Variants in ASPH observed in about 807,000 individuals in gnomAD.
ASPH encodes aspartate beta-hydroxylase.
In ASPH, 100 loss-of-function variants were observed where a neutral mutation model predicts 118.4. The ratio of observed to expected loss-of-function variants is 0.84; its 90% CI spans 0.72 to 1.00. ASPH has a LOEUF of 1.00. Among genes scored for constraint, ASPH ranks in the 50% least tolerant of loss-of-function variants. ASPH has a pLI of 0.00. For synonymous variants in ASPH, 315 were observed against 325.6 expected (o/e 0.97, Z 0.35); for missense variants, 920 against 919.5 (o/e 1.00, Z -0.01).
intron 13 of ASPH, among the ~76,000 whole-genome samples, chr8:61,626,611 T>G (rs1030712209): frequency 6.6e-6 from 1 of 151,866 alleles, no homozygotes; most frequent in African/African-American, 2.4e-5. Flanking sequence ...AAATCTAGTA[T>G]GGTATTTGAA....
At chr8:61,661,912 T>A in intron 3 of ASPH, 2 of 460,938 alleles carry the variant, frequency 4.3e-6, no homozygotes, top group South Asian at 4.7e-5. Context: ...ATCATCTATA[T>A]ACAATGCAAA....
intron 12 of ASPH, among the ~76,000 whole-genome samples, chr8:61,635,328 A>T (rs1857252643): frequency 6.6e-6 from 1 of 152,108 alleles, no homozygotes; most frequent in African/African-American, 2.4e-5. Context: ...ATGCCTCTTT[A>T]TCGTCTCTCC....
chr8:61,643,066 C>T lies in ASPH; in HGVS notation c.758-146G>A, dbSNP rs1806033010. 5.2e-6 allele frequency: 4 copies of T among 771,346 alleles called. No homozygotes were observed. In the South Asian group the frequency reaches 7.6e-5, roughly 15 times the overall value. 47.8% of individuals were successfully genotyped at this position (771,346 alleles called of 1,614,324 possible). ...ATGTCTGCTCAGTCAATAATAAATG[C>T]CTCTGCCCAAAAGCAATTAAAAGGC... On this transcript the variant is annotated intron_variant, in intron 9 of 24. Coordinates refer to ENST00000379454, the MANE Select transcript of ASPH (RefSeq NM_004318.4).
chr8:61,510,588 T>A (rs1005822804), intron 24 of ASPH, among the ~76,000 whole-genome samples: 1 of 152,232 alleles, frequency 6.6e-6, no homozygotes, highest in South Asian at 2.1e-4. Flanking sequence ...ATTTTCCATA[T>A]GGGAAATGCC....
chr8:61,651,071 C>T lies in ASPH; in HGVS notation c.469G>A (p.Glu157Lys). ...ATACCATGTTCTGCGTGTACCATTT[C>T]ATGGAGAAGGGACTGAATTTGTTCT... is the stretch of plus-strand genomic sequence containing the variant. ...AKEQIQSLLH[E>K]MVHAEHVEGE... The change falls in exon 5 of 25, where the codon GAA becomes AAA. Residue 157 changes from glutamate (E) to lysine (K), a missense_variant. Coordinates refer to ENST00000379454, the MANE Select transcript of ASPH (RefSeq NM_004318.4). 1.2e-6 allele frequency: 2 copies of T among 1,613,694 alleles called. No homozygotes were observed. Among genetic ancestry groups the T allele is most frequent in the Non-Finnish European group, 1.7e-6 (2 of 1,179,844 alleles).
At chr8:61,574,248 T>C (rs886994352) in intron 16 of ASPH, among the ~76,000 whole-genome samples, 1 of 152,198 alleles carries the variant, frequency 6.6e-6, no homozygotes, top group East Asian at 1.9e-4. Context: ...ACATTGTTGG[T>C]GGGAGCATAA....
intron 24 of ASPH, among the ~76,000 whole-genome samples, chr8:61,505,120 A>G (rs941013726): frequency 6.6e-6 from 1 of 152,172 alleles, no homozygotes; most frequent in Non-Finnish European, 1.5e-5. Flanking sequence ...ATCATAGTGA[A>G]TAAGTATCAT....
chr8:61,500,573 T>TTTTA lies in ASPH; in HGVS notation c.*2782_*2785dup, dbSNP rs752800147. ...ATGCAGGATGAAATGTCAAAGGTCA[T>TTTTA]TTTATTTACCTAGTCTCCTTAGAAA... On this transcript the variant is annotated 3_prime_UTR_variant, in exon 25 of 25. Coordinates refer to ENST00000379454, the MANE Select transcript of ASPH (RefSeq NM_004318.4). 6.6e-5 allele frequency: 10 copies of TTTTA among 152,222 alleles called. No homozygotes were observed. Among genetic ancestry groups the TTTTA allele is most frequent in the Non-Finnish European group, 1.3e-4 (9 of 68,032 alleles). 9.4% of individuals were successfully genotyped at this position (152,222 alleles called of 1,614,324 possible).
chr8:61,532,663 T>C (rs190067692), intron 21 of ASPH, among the ~76,000 whole-genome samples: 1 of 152,294 alleles, frequency 6.6e-6, no homozygotes, highest in African/African-American at 2.4e-5. Context: ...ACTTTTAGTG[T>C]TGCTGTTGGA....
intron 21 of ASPH, among the ~76,000 whole-genome samples, chr8:61,544,524 G>A (rs1167476389): frequency 6.6e-6 from 1 of 152,184 alleles, no homozygotes; most frequent in Non-Finnish European, 1.5e-5. Flanking sequence ...AGCAGGTAGA[G>A]ATAATTTTCT....
intron 20 of ASPH, among the ~76,000 whole-genome samples, chr8:61,551,529 T>G (rs1826004539): frequency 6.6e-6 from 1 of 152,204 alleles, no homozygotes; most frequent in South Asian, 2.1e-4. Context: ...TCATGATAAT[T>G]AAGTTGGTAG....
rs530154514 is a variant in ASPH at position 61,703,301 on chromosome 8, T to G, written c.103+10968A>C. On this transcript the variant is annotated intron_variant, in intron 1 of 24. Coordinates refer to ENST00000379454, the MANE Select transcript of ASPH (RefSeq NM_004318.4). ...ATACTGGAAATCCTAATTAGTGCAG[T>G]AAGGCAAGAAAAGACTGGAAAAGAA... Among the ~76,000 whole-genome samples the G allele has an allele frequency of 1.7e-3, 256 of 152,240 alleles. 1 individual carries two copies. The highest frequency in any genetic ancestry group is 5.7e-3 in the African/African-American group (237 of 41,544).
At chr8:61,710,393 A>C (rs1837792946) in intron 1 of ASPH, among the ~76,000 whole-genome samples, 1 of 152,210 alleles carries the variant, frequency 6.6e-6, no homozygotes, top group Non-Finnish European at 1.5e-5. Flanking sequence ...CCTTTATCCA[A>C]GTTCCTCTGT....
Position 61,562,950 on chromosome 8 carries a change from A to G in ASPH, c.1301-70T>C, listed in dbSNP as rs911092255. On this transcript the variant is annotated intron_variant, in intron 17 of 24. Coordinates refer to ENST00000379454, the MANE Select transcript of ASPH (RefSeq NM_004318.4). Reference sequence around the variant, plus strand: ...ATGTACACTTTTGTATTGAGAATGTAAGTCATGAGAGACTATTCACCAGAG... The same window carrying G: ...ATGTACACTTTTGTATTGAGAATGTGAGTCATGAGAGACTATTCACCAGAG... 16 of 1,434,106 alleles carry G rather than the reference A, an allele frequency of 1.1e-5. No homozygotes were observed. The African/African-American group carries it at 2.3e-4, about 21-fold the overall frequency. 88.8% of individuals were successfully genotyped at this position (1,434,106 alleles called of 1,614,324 possible). A position where few individuals can be genotyped will look rare whatever the true frequency, so the allele number is the denominator to read the frequency against.
rs1228483558 is a variant in ASPH at position 61,675,996 on chromosome 8, G to A, written c.322+4972C>T. ...ACCACCCCACTGCACATTAAGCCCTGCATAAGCCAAGGAAAGAAAAGAAAA... is the reference window on the plus strand; with the variant it reads ...ACCACCCCACTGCACATTAAGCCCTACATAAGCCAAGGAAAGAAAAGAAAA... On this transcript the variant is annotated intron_variant, in intron 3 of 24. Coordinates refer to ENST00000379454, the MANE Select transcript of ASPH (RefSeq NM_004318.4). The A allele has an allele frequency of 3.2e-6, 5 of 1,569,314 alleles. No homozygotes were observed. In the East Asian group the frequency reaches 1.1e-4, roughly 35 times the overall value.
intron 2 of ASPH, chr8:61,682,425 C>T (rs773948354): frequency 6.2e-7 from 1 of 1,611,516 alleles, no homozygotes; most frequent in Admixed American, 1.7e-5. Flanking sequence ...TGAAATGCAA[C>T]TCCAATAGCC....
chr8:61,607,998 G>A (rs1241019089), intron 14 of ASPH, among the ~76,000 whole-genome samples: 2 of 152,098 alleles, frequency 1.3e-5, no homozygotes, highest in Admixed American at 6.6e-5. Flanking sequence ...TTGAGACAGT[G>A]GTCAAGTGGG....
At chr8:61,578,402 A>G (rs1257082856) in intron 15 of ASPH, 1 of 1,604,214 alleles carries the variant, frequency 6.2e-7, no homozygotes, top group Non-Finnish European at 8.5e-7. Context: ...GCGGCATGGG[A>G]GGCATCACCG....
rs1554629094 is a variant in ASPH, at chr8:61,553,610, T to TTTC, written c.1537-491_1537-490insGAA. Among the ~76,000 whole-genome samples, 206 of 151,954 alleles carry TTTC rather than the reference T, an allele frequency of 1.4e-3. 3 individuals carry two copies. Among genetic ancestry groups the TTTC allele is most frequent in the African/African-American group, 4.6e-3 (192 of 41,340 alleles). On this transcript the variant is annotated intron_variant, in intron 19 of 24. Transcript: ENST00000379454. The stretch of plus-strand genomic sequence containing the variant: ...TCCTTACCTTTTAATGATTTTTTTT[T>TTTC]TTTTTACAAAACATACAGGAGAATT...
Sources: gnomAD v4.1 joint callset for allele counts (sites outside exome capture counted in the v4.1 genomes callset) on GRCh38, gnomAD v4.1.1 for gene constraint, MANE v1.5 for transcripts, NCBI Gene and HGNC (gene_info 2026-07-23, HGNC 2026-07-21) for gene names.